Variants in SGCZ observed in about 807,000 individuals in gnomAD.
SGCZ encodes sarcoglycan zeta.
Under a neutral mutation model 41.3 loss-of-function variants are expected in SGCZ, and 40 were observed. That is an observed-to-expected ratio of 0.97 (90% CI 0.75 to 1.26). SGCZ has a LOEUF of 1.26. Ranked by LOEUF, SGCZ falls within the 50% of genes most tolerant of loss-of-function variation. The pLI is 0.00. For missense variants in SGCZ, 552 were observed against 369.8 expected (o/e 1.49, Z -4.04); for synonymous variants, 206 against 137.5 (o/e 1.50, Z -3.49).
chr8:14,702,292 T>G (rs1809163375), intron 1 of SGCZ, among the ~76,000 whole-genome samples: 1 of 151,974 alleles, frequency 6.6e-6, no homozygotes, highest in African/African-American at 2.4e-5. Context: ...TCTGTGTTTT[T>G]CCTTTACTGA....
intron 2 of SGCZ, among the ~76,000 whole-genome samples, chr8:14,549,292 C>G (rs997577134): frequency 5.9e-5 from 9 of 151,934 alleles, no homozygotes; most frequent in African/African-American, 2.2e-4. Flanking sequence ...CTTTCGGATT[C>G]GGACAGAAAT....
intron 1 of SGCZ, among the ~76,000 whole-genome samples, chr8:14,576,103 G>A (rs1262577570): frequency 6.6e-6 from 1 of 152,138 alleles, no homozygotes; most frequent in African/African-American, 2.4e-5. Context: ...AAATACTAAT[G>A]TATTTCCGGA....
At chr8:14,257,342 G>A (rs879612083) in intron 3 of SGCZ, among the ~76,000 whole-genome samples, 2 of 138,736 alleles carry the variant, frequency 1.4e-5, no homozygotes, top group Non-Finnish European at 3.3e-5. Context: ...GTGAGACCCT[G>A]TCTCCAGAAA....
intron 3 of SGCZ, among the ~76,000 whole-genome samples, chr8:14,271,063 G>A (rs569683193): frequency 1.4e-4 from 21 of 152,256 alleles, no homozygotes; most frequent in Admixed American, 1.0e-3. Flanking sequence ...GGGCGGAGCG[G>A]GGAGGGATAG....
intron 2 of SGCZ, among the ~76,000 whole-genome samples, chr8:14,445,242 G>A (rs376514973): frequency 1.5e-3 from 230 of 152,292 alleles, no homozygotes; most frequent in African/African-American, 5.1e-3. Flanking sequence ...CCTGAAACTC[G>A]CAGCCCAAAG....
intron 1 of SGCZ, among the ~76,000 whole-genome samples, chr8:14,828,471 G>A (rs1052411751): frequency 4.4e-4 from 67 of 152,304 alleles, no homozygotes; most frequent in African/African-American, 1.6e-3. Flanking sequence ...GTACCTAAAT[G>A]AGCTGCAGAC....
At chr8:14,414,294 C>T (rs1000067800) in intron 2 of SGCZ, among the ~76,000 whole-genome samples, 8 of 151,966 alleles carry the variant, frequency 5.3e-5, no homozygotes, top group African/African-American at 9.6e-5. Context: ...TTTATCTAGA[C>T]GTTACTTAAT....
intron 1 of SGCZ, among the ~76,000 whole-genome samples, chr8:14,917,983 T>A (rs1357632012): frequency 6.6e-6 from 1 of 152,178 alleles, no homozygotes; most frequent in African/African-American, 2.4e-5. Flanking sequence ...CCTGTTATTA[T>A]TATTTTATTT....
At chr8:15,230,274 T>C (rs1801902470) in intron 1 of SGCZ, among the ~76,000 whole-genome samples, 1 of 152,032 alleles carries the variant, frequency 6.6e-6, no homozygotes, top group Non-Finnish European at 1.5e-5. Flanking sequence ...TCACTCTTCT[T>C]GGAAATTAGA....
chr8:14,535,613 T>C (rs1394984094), intron 2 of SGCZ, among the ~76,000 whole-genome samples: 1 of 151,952 alleles, frequency 6.6e-6, no homozygotes, highest in Non-Finnish European at 1.5e-5. Context: ...TTCATAACTT[T>C]TATGAAAAGG....
At chr8:15,071,088 C>T (rs1282836708) in intron 1 of SGCZ, among the ~76,000 whole-genome samples, 1 of 152,158 alleles carries the variant, frequency 6.6e-6, no homozygotes, top group Non-Finnish European at 1.5e-5. Flanking sequence ...GAAAGAGAAA[C>T]ATTTTTTTAG....
At chr8:14,788,456 G>T (rs765533363) in intron 1 of SGCZ, among the ~76,000 whole-genome samples, 7 of 152,138 alleles carry the variant, frequency 4.6e-5, no homozygotes, top group Non-Finnish European at 8.8e-5. Context: ...AAGATACTTT[G>T]TTAACCGTGA....
In SGCZ at chr8:14,231,321, G is replaced by A. The variant is rs529437714; in HGVS notation, c.424+6271C>T. ...TCTTGAATGTTGGAGGTGGGCAGAG[G>A]GGCACTGGCCCAGTTAAGAGTCTTA... On this transcript the variant is annotated intron_variant, in intron 4 of 7. Transcript: ENST00000382080. 2.6e-5 allele frequency among the ~76,000 whole-genome samples: 4 copies of A among 151,726 alleles called. No homozygotes were observed. In the South Asian group the frequency reaches 8.4e-4, roughly 32 times the overall value.
chr8:14,575,263 T>C (rs1020306191), intron 1 of SGCZ, among the ~76,000 whole-genome samples: 3 of 152,166 alleles, frequency 2.0e-5, no homozygotes, highest in African/African-American at 7.2e-5. Context: ...CACTGGAATA[T>C]AATAGAGATT....
intron 2 of SGCZ, among the ~76,000 whole-genome samples, chr8:14,337,209 A>G (rs1244998808): frequency 6.6e-6 from 1 of 152,110 alleles, no homozygotes. Flanking sequence ...AAAAGTCTGC[A>G]ATTGTCCCCT....
In SGCZ at chr8:15,192,881, G is replaced by C. The variant is rs1554474695; in HGVS notation, c.39+44704C>G. On this transcript the variant is annotated intron_variant, in intron 1 of 7. Transcript: ENST00000382080. The stretch of plus-strand genomic sequence containing the variant: ...TTTTGTTTTATTTTAGATATACAGA[G>C]AAAAAAGGAACATTTAAAAAAATAT... Among the ~76,000 whole-genome samples the C allele has an allele frequency of 1.3e-5, 2 of 151,832 alleles. 1 individual carries two copies. The highest frequency in any genetic ancestry group is 4.8e-5 in the African/African-American group (2 of 41,300).
At chr8:15,082,178 G>A (rs560521067) in intron 1 of SGCZ, among the ~76,000 whole-genome samples, 27 of 151,904 alleles carry the variant, frequency 1.8e-4, no homozygotes, top group African/African-American at 5.8e-4. Context: ...GCAGTGAGCC[G>A]AGATCGTGAC....
chr8:14,258,190 C>G (rs1336912033), intron 3 of SGCZ, among the ~76,000 whole-genome samples: 1 of 152,018 alleles, frequency 6.6e-6, no homozygotes, highest in Non-Finnish European at 1.5e-5. Flanking sequence ...AGTTTTATAT[C>G]TAAATATAAA....
chr8:15,003,319 A>T (rs552498774), intron 1 of SGCZ, among the ~76,000 whole-genome samples: 20 of 151,988 alleles, frequency 1.3e-4, no homozygotes, highest in South Asian at 8.3e-4. Flanking sequence ...AGTCAATTAA[A>T]CCTCTTTTTA....
Sources: gnomAD v4.1 joint callset for allele counts (sites outside exome capture counted in the v4.1 genomes callset) on GRCh38, gnomAD v4.1.1 for gene constraint, MANE v1.5 for transcripts, NCBI Gene and HGNC (gene_info 2026-07-23, HGNC 2026-07-21) for gene names.